The following DISP1 variants were observed in gnomAD, a reference collection of about 807,000 sequenced individuals.
DISP1 encodes the protein dispatched RND transporter family member 1.
Under a neutral mutation model 37.3 loss-of-function variants are expected in DISP1, and 30 were observed. That is an observed-to-expected ratio of 0.80 (90% CI 0.60 to 1.09). DISP1 has a LOEUF of 1.09. Ranked by LOEUF, DISP1 falls within the 50% of genes least tolerant of loss-of-function variation. The pLI is 0.00. For missense variants in DISP1, 1,598 were observed against 1,879.5 expected, an observed-to-expected ratio of 0.85 and a Z score of 2.77; for synonymous variants, 634 against 690.2, an observed-to-expected ratio of 0.92 and a Z score of 1.28.
At chr1:222,961,012 G>A (rs28794472) in intron 3 of DISP1, among the ~76,000 whole-genome samples, 12,726 of 152,098 alleles carry the variant, frequency 0.084, 1,255 homozygotes, top group African/African-American at 0.24. Flanking sequence ...GGACCACACT[G>A]ATTCACAGCC....
chr1:222,886,370 C>G (rs190422104), intron 1 of DISP1, among the ~76,000 whole-genome samples: 1 of 152,160 alleles, frequency 6.6e-6, no homozygotes, highest in Non-Finnish European at 1.5e-5. Context: ...CGGGTTCAGA[C>G]GTTCATGTAG....
intron 4 of DISP1, among the ~76,000 whole-genome samples, chr1:222,984,347 C>T (rs1223393143): frequency 7.1e-6 from 1 of 141,188 alleles, no homozygotes; most frequent in African/African-American, 2.6e-5. Context: ...GCAGTTTGTG[C>T]TTAGCTGAAA....
intron 1 of DISP1, among the ~76,000 whole-genome samples, chr1:222,914,001 T>TG (rs1156874552): frequency 1.2e-4 from 16 of 138,050 alleles, no homozygotes; most frequent in Admixed American, 1.1e-3. Flanking sequence ...TTTTTTTGGT[T>TG]GTTTTTTTTT....
chr1:222,997,034 G>GTCTC (rs146684085), intron 8 of DISP1, among the ~76,000 whole-genome samples: 3 of 149,364 alleles, frequency 2.0e-5, no homozygotes, highest in Non-Finnish European at 3.0e-5. Context: ...CTCTCTCTCT[G>GTCTC]TCTCTCTCTC....
chr1:222,859,833 A>G (rs1668771397), intron 1 of DISP1, among the ~76,000 whole-genome samples: 1 of 152,196 alleles, frequency 6.6e-6, no homozygotes, highest in Non-Finnish European at 1.5e-5. Context: ...CCTAGACTGT[A>G]AATTCTGGAA....
rs562072508 is a variant in DISP1, at chr1:222,872,262, C to T, written c.-158-56168C>T. 8 of 152,268 alleles carry T rather than the reference C, an allele frequency of 5.3e-5. No homozygotes were observed. In the East Asian group the frequency reaches 1.5e-3, roughly 29 times the overall value. The allele number at this position is 152,268 out of a possible 1,614,324, so 9.4% of individuals were successfully genotyped here. ...CTAAAATTCTCTTTTTTTGTTGTGT[C>T]TCTGCCAGGCTTTGGTATCAGGATG... is the stretch of plus-strand genomic sequence containing the variant. On this transcript the variant is annotated intron_variant, in intron 1 of 8. Coordinates refer to ENST00000675850, the MANE Select transcript of DISP1 (RefSeq NM_001377229.1).
At chr1:222,899,289 A>G (rs1558318386) in intron 1 of DISP1, among the ~76,000 whole-genome samples, 1 of 152,184 alleles carries the variant, frequency 6.6e-6, no homozygotes, top group Admixed American at 6.5e-5. Context: ...CTAACATAGG[A>G]TGTTTAAAAC....
At chr1:222,981,360 G>A (rs1246920416) in intron 3 of DISP1, among the ~76,000 whole-genome samples, 2 of 152,176 alleles carry the variant, frequency 1.3e-5, no homozygotes, top group Non-Finnish European at 1.5e-5. Flanking sequence ...AGTGGAATTG[G>A]AATATATATT....
chr1:222,849,706 A>G (rs1005658766), intron 1 of DISP1, among the ~76,000 whole-genome samples: 18 of 152,196 alleles, frequency 1.2e-4, no homozygotes, highest in African/African-American at 3.9e-4. Flanking sequence ...TCTAATGTAC[A>G]TGAAGTATTT....
At chr1:222,859,092 C>T (rs1199525977) in intron 1 of DISP1, among the ~76,000 whole-genome samples, 1 of 152,152 alleles carries the variant, frequency 6.6e-6, no homozygotes, top group African/African-American at 2.4e-5. Flanking sequence ...AAAAGTCCAT[C>T]AATGATAGAC....
intron 3 of DISP1, among the ~76,000 whole-genome samples, chr1:222,968,193 C>T (rs192343406): frequency 2.6e-5 from 4 of 152,226 alleles, no homozygotes; most frequent in Admixed American, 6.5e-5. Flanking sequence ...TCCTGACTTC[C>T]ACTTAGTTCC....
chr1:222,875,040 T>C lies in DISP1; in HGVS notation c.-158-53390T>C, dbSNP rs528901551. Among the ~76,000 whole-genome samples, 5 of 152,304 alleles carry C rather than the reference T, an allele frequency of 3.3e-5. No individual in the cohort carries two copies. In the South Asian group the frequency reaches 8.3e-4, roughly 25 times the overall value. On this transcript the variant is annotated intron_variant, in intron 1 of 8. Coordinates refer to ENST00000675850, the MANE Select transcript of DISP1 (RefSeq NM_001377229.1). ...CTATTAGTTTACCATTGTAAACGAA[T>C]TGGTAAACCATTAGTTTACCAATTT...
chr1:222,845,551 C>A (rs910539738), intron 1 of DISP1, among the ~76,000 whole-genome samples: 3 of 152,084 alleles, frequency 2.0e-5, no homozygotes, highest in African/African-American at 7.2e-5. Context: ...TGTAGATTTG[C>A]AATGCAGTTT....
At chr1:222,902,675 A>C (rs530401553) in intron 1 of DISP1, among the ~76,000 whole-genome samples, 1 of 152,234 alleles carries the variant, frequency 6.6e-6, no homozygotes, top group Non-Finnish European at 1.5e-5. Context: ...GAAGACATTT[A>C]TGCAGCCAAA....
At chr1:222,815,378 C>G (rs1207643979) in intron 1 of DISP1, among the ~76,000 whole-genome samples, 1 of 152,010 alleles carries the variant, frequency 6.6e-6, no homozygotes, top group East Asian at 1.9e-4. Flanking sequence ...AGTTGCATCT[C>G]GGAGGAAAGT....
At chr1:222,832,010 T>A (rs1665875850) in intron 1 of DISP1, among the ~76,000 whole-genome samples, 1 of 152,050 alleles carries the variant, frequency 6.6e-6, no homozygotes, top group Admixed American at 6.6e-5. Context: ...CTGGGCACGG[T>A]GGGTCATGCC....
chr1:222,946,614 T>C (rs951554626), intron 3 of DISP1, among the ~76,000 whole-genome samples: 5 of 152,150 alleles, frequency 3.3e-5, no homozygotes, highest in Admixed American at 2.0e-4. Context: ...CCAAACAAGT[T>C]GAGACATTCT....
chr1:222,850,618 A>G (rs546513995), intron 1 of DISP1, among the ~76,000 whole-genome samples: 5 of 151,988 alleles, frequency 3.3e-5, no homozygotes, highest in African/African-American at 7.2e-5. Context: ...GTAGACCCCA[A>G]TGTCTGTTGT....
chr1:222,914,828 A>G (rs1672404666), intron 1 of DISP1, among the ~76,000 whole-genome samples: 1 of 151,938 alleles, frequency 6.6e-6, no homozygotes, highest in Non-Finnish European at 1.5e-5. Flanking sequence ...TTAGCCGGGG[A>G]CGGTAGCCTG....
Sources: allele counts gnomAD v4.1 joint callset (sites outside exome capture counted in the v4.1 genomes callset), GRCh38; gene constraint gnomAD v4.1.1; transcripts MANE v1.5; gene names NCBI Gene and HGNC (gene_info 2026-07-23, HGNC 2026-07-21).